PHF21B: variants seen among roughly 807,000 people sequenced by gnomAD.
PHF21B encodes PHD finger protein 21B, also known as PHD finger protein 4.
PHF21B carries 22 observed loss-of-function variants against 62.2 expected under a neutral mutation model. The ratio of observed to expected loss-of-function variants is 0.35; its 90% CI spans 0.25 to 0.51. The LOEUF (loss-of-function observed/expected upper bound fraction) is 0.51. Ranked by LOEUF, PHF21B falls within the 20% of genes least tolerant of loss-of-function variation. The pLI, the probability that PHF21B is intolerant of heterozygous loss-of-function variation, is 0.97. For synonymous variants in PHF21B, 341 were observed against 314.7 expected, an observed-to-expected ratio of 1.08 and a Z score of -0.88; for missense variants, 701 against 707.9, an observed-to-expected ratio of 0.99 and a Z score of 0.11.
chr22:45,008,338 C>T (rs933229241), intron 2 of PHF21B: 3 of 437,154 alleles, frequency 6.9e-6, no homozygotes, highest in Non-Finnish European at 1.2e-5. Flanking sequence ...CTTCGGCCCC[C>T]GCAGGGCCCG....
At chr22:44,989,770 A>C (rs1168012644) in intron 2 of PHF21B, among the ~76,000 whole-genome samples, 1 of 151,780 alleles carries the variant, frequency 6.6e-6, no homozygotes, top group Non-Finnish European at 1.5e-5. Flanking sequence ...CCACCACATC[A>C]GGCTAATTTT....
intron 2 of PHF21B, among the ~76,000 whole-genome samples, chr22:44,957,138 C>G (rs1432150771): frequency 6.6e-6 from 1 of 152,170 alleles, no homozygotes. Context: ...CCTGCGCATT[C>G]TTCTGTACCT....
chr22:44,992,175 T>C (rs1235139897), intron 2 of PHF21B, among the ~76,000 whole-genome samples: 1 of 152,230 alleles, frequency 6.6e-6, no homozygotes, highest in Non-Finnish European at 1.5e-5. Context: ...CTTCTCTCCA[T>C]GCCCTCTGAA....
chr22:44,916,747 GCACAGCGCCTGTCACGGCCT>G, intron 3 of PHF21B, 117 bp from the exon 4 acceptor site: 2 of 940,394 alleles, frequency 2.1e-6, no homozygotes, highest in Non-Finnish European at 1.6e-6. Context: ...ACTGGAAAGA[GCACAGCGCCTGTCACGGCCT>G]CACAGCAGGT....
intron 2 of PHF21B, among the ~76,000 whole-genome samples, chr22:44,985,191 T>C (rs2072923821): frequency 6.6e-6 from 1 of 152,228 alleles, no homozygotes; most frequent in African/African-American, 2.4e-5. Context: ...TTACAGTTTG[T>C]AAATAAATGT....
chr22:44,983,747 C>G (rs1025012605), intron 2 of PHF21B, among the ~76,000 whole-genome samples: 1 of 152,170 alleles, frequency 6.6e-6, no homozygotes, highest in Non-Finnish European at 1.5e-5. Flanking sequence ...AGACTGTTTA[C>G]AAACTGCTAC....
intron 2 of PHF21B, among the ~76,000 whole-genome samples, chr22:44,990,437 A>G (rs1280691207): frequency 6.6e-6 from 1 of 152,166 alleles, no homozygotes; most frequent in Non-Finnish European, 1.5e-5. Flanking sequence ...ATGAATGGAT[A>G]AACAGCACGG....
chr22:44,909,651 G>C (rs543608463), intron 5 of PHF21B, among the ~76,000 whole-genome samples: 9 of 152,220 alleles, frequency 5.9e-5, no homozygotes, highest in African/African-American at 2.2e-4. Flanking sequence ...AGGTTCCCAC[G>C]TCTGTCTTCA....
At position 44,985,661 on chromosome 22, in the gene PHF21B, G is replaced by C. The variant is rs75002466; in HGVS notation, c.120+22884C>G. On this transcript the variant is annotated intron_variant, in intron 2 of 12. Transcript: ENST00000313237. ...TCTAGTCTCTGTTCCCTCCACTGTG[G>C]AGATAATATGGGAGATAATATTTCC... Among the ~76,000 whole-genome samples the C allele has an allele frequency of 1.6e-3, 237 of 152,302 alleles. 1 individual carries two copies. Among genetic ancestry groups the C allele is most frequent in the African/African-American group, 5.4e-3 (224 of 41,574 alleles).
At chr22:44,907,470 C>T (rs539803575) in intron 5 of PHF21B, among the ~76,000 whole-genome samples, 4 of 152,150 alleles carry the variant, frequency 2.6e-5, no homozygotes, top group Admixed American at 1.3e-4. Context: ...GTGCCTGGTG[C>T]GGAGTGGGGC....
At chr22:44,992,574 C>A (rs2073058210) in intron 2 of PHF21B, among the ~76,000 whole-genome samples, 1 of 152,262 alleles carries the variant, frequency 6.6e-6, no homozygotes, top group African/African-American at 2.4e-5. Context: ...ACAGGCTGGA[C>A]TGAATCTCTG....
intron 2 of PHF21B, among the ~76,000 whole-genome samples, chr22:44,996,627 G>C (rs114921593): frequency 0.014 from 2,103 of 151,400 alleles, 50 homozygotes; most frequent in African/African-American, 0.048. Context: ...ATCCCCTCTA[G>C]ATCACTCTCT....
In PHF21B at chr22:45,005,927, G is replaced by A. The variant is rs967617382; in HGVS notation, c.120+2618C>T. Among the ~76,000 whole-genome samples the A allele has an allele frequency of 8.3e-4, 126 of 152,142 alleles. 2 individuals carry two copies. The highest frequency in any genetic ancestry group is 8.2e-3 in the Admixed American group (125 of 15,274). On this transcript the variant is annotated intron_variant, in intron 2 of 12. Coordinates refer to ENST00000313237, the MANE Select transcript of PHF21B (RefSeq NM_138415.5). Reference sequence around the variant, plus strand: ...CGGCTCCTTCTGGGCAGGCTCTGGGGTGACCAAGTAGAGGCCTCTTCAAAA... The same window carrying A: ...CGGCTCCTTCTGGGCAGGCTCTGGGATGACCAAGTAGAGGCCTCTTCAAAA...
At chr22:44,966,845 C>A (rs905341790) in intron 2 of PHF21B, among the ~76,000 whole-genome samples, 1 of 152,162 alleles carries the variant, frequency 6.6e-6, no homozygotes, top group African/African-American at 2.4e-5. Flanking sequence ...TGCCCACACT[C>A]GAGTTAGTGC....
chr22:44,975,394 G>C (rs372591785), intron 2 of PHF21B, among the ~76,000 whole-genome samples: 1 of 150,850 alleles, frequency 6.6e-6, no homozygotes, highest in Non-Finnish European at 1.5e-5. Flanking sequence ...AGAGGCCCCT[G>C]TCCCTCCCCT....
At chr22:45,005,275 G>A (rs2073294607) in intron 2 of PHF21B, among the ~76,000 whole-genome samples, 1 of 152,162 alleles carries the variant, frequency 6.6e-6, no homozygotes, top group Non-Finnish European at 1.5e-5. Context: ...CAGCCCAGCA[G>A]CAAAGTGCAG....
At chr22:44,884,614 T>G (rs944715626) in intron 12 of PHF21B, among the ~76,000 whole-genome samples, 13 of 148,150 alleles carry the variant, frequency 8.8e-5, no homozygotes, top group African/African-American at 3.3e-4. Flanking sequence ...ATCACCATAA[T>G]CACCACCATA....
intron 7 of PHF21B, among the ~76,000 whole-genome samples, chr22:44,893,188 C>G (rs983740905): frequency 1.3e-5 from 2 of 151,840 alleles, no homozygotes; most frequent in Non-Finnish European, 2.9e-5. Flanking sequence ...GGCAAGAAGC[C>G]GGTGTACCTC....
At chr22:44,909,952 T>C (rs1022710271) in intron 5 of PHF21B, among the ~76,000 whole-genome samples, 1 of 152,236 alleles carries the variant, frequency 6.6e-6, no homozygotes, top group South Asian at 2.1e-4. Context: ...GTTAGAGTCC[T>C]TGGTAGCCAT....
Sources: gnomAD v4.1 joint callset for allele counts (sites outside exome capture counted in the v4.1 genomes callset) on GRCh38, gnomAD v4.1.1 for gene constraint, MANE v1.5 for transcripts, NCBI Gene and HGNC (gene_info 2026-07-23, HGNC 2026-07-21) for gene names.